Variants in COL5A3 observed in about 807,000 individuals in gnomAD.
COL5A3 encodes collagen alpha-3(V) chain.
In COL5A3, 172 loss-of-function variants were observed where a neutral mutation model predicts 250.0. The observed-to-expected ratio is 0.69, with a 90% CI of 0.61 to 0.78. The LOEUF is 0.78. Ranked by LOEUF, COL5A3 falls within the 30% of genes least tolerant of loss-of-function variation. The pLI is 0.00. For missense variants in COL5A3, 2,340 were observed against 2,334.4 expected, an observed-to-expected ratio of 1.00 and a Z score of -0.05; for synonymous variants, 937 against 900.4, an observed-to-expected ratio of 1.04 and a Z score of -0.73.
rs1599222581 is a variant in COL5A3 at position 9,996,632 on chromosome 19, T to C, written c.1321A>G (p.Thr441Ala). The change falls in exon 12 of 67, where the codon ACT (threonine) becomes GCT (alanine). Residue 441 changes from threonine to alanine, a missense_variant. Physicochemically the swap from Thr to Ala is moderately conservative, Grantham distance 58 (BLOSUM62 0). Coordinates refer to ENST00000264828, the MANE Select transcript of COL5A3 (RefSeq NM_015719.4). ...CTTCTTACCGGCATCATGATCACAG[T>C]GCCCGGTGGGCCTCGGATCCCATCA... ...GIDGIRGPPG[T>A]VIMMPFQFAG... The C allele has an allele frequency of 1.2e-6, 2 of 1,613,362 alleles. No homozygotes were observed. The highest frequency in any genetic ancestry group is 2.2e-5 in the East Asian group (1 of 44,870).
chr19:9,979,205 C>T lies in COL5A3; in HGVS notation c.2801G>A (p.Arg934Lys). The change falls in exon 39 of 67, where the codon AGG becomes AAG. Residue 934 changes from arginine (R) to lysine (K), a missense_variant. Physicochemically the swap from Arg to Lys is conservative, Grantham distance 26. Transcript: ENST00000264828. ...AGGTCCAGGGGGGCCTGGAGGCCCC[C>T]TTTCACCTAGAGGTCCCACTTCTCC... ...KTGEVGPLGE[R>K]GPPGPPGPPG... 6.2e-7 allele frequency: 1 copy of T among 1,604,412 alleles called. No homozygotes were observed. Among genetic ancestry groups the T allele is most frequent in the Non-Finnish European group, 8.5e-7 (1 of 1,177,334 alleles).
At chr19:9,977,921 A>T (rs550093578) in intron 41 of COL5A3, among the ~76,000 whole-genome samples, 2 of 147,234 alleles carry the variant, frequency 1.4e-5, no homozygotes, top group African/African-American at 5.0e-5. Flanking sequence ...TTAGAACAAA[A>T]GCCATAGTCC....
intron 45 of COL5A3, among the ~76,000 whole-genome samples, chr19:9,976,176 G>A (rs1206196057): frequency 6.6e-6 from 1 of 152,100 alleles, no homozygotes; most frequent in Non-Finnish European, 1.5e-5. Context: ...ACATAGTTGG[G>A]TTGAGATTGG....
intron 24 of COL5A3, among the ~76,000 whole-genome samples, chr19:9,990,116 G>A (rs375792368): frequency 6.6e-6 from 1 of 151,758 alleles, no homozygotes; most frequent in Non-Finnish European, 1.5e-5. Context: ...AAAAGAGGCC[G>A]GGCGTGGTGG....
At chr19:9,984,876 A>T (rs1599551320) in intron 31 of COL5A3, among the ~76,000 whole-genome samples, 1 of 151,328 alleles carries the variant, frequency 6.6e-6, no homozygotes, top group East Asian at 1.9e-4. Flanking sequence ...CTGCAGGCTC[A>T]ATCTCCTTGG....
At chr19:9,965,855 A>T (rs2086737520) in intron 64 of COL5A3, among the ~76,000 whole-genome samples, 1 of 150,082 alleles carries the variant, frequency 6.7e-6, no homozygotes, top group Non-Finnish European at 1.5e-5. Context: ...TTTTTCTGAG[A>T]AGGAGACTTG....
chr19:10,005,988 G>A lies in COL5A3; in HGVS notation c.248-3C>T, dbSNP rs2087437561. ...GAAGTTCTCAGGAAAGTGGCCTTCT[G>A]GGTGGGCAGAGGGAACAAGGCAGCT... On this transcript the variant is annotated splice_polypyrimidine_tract_variant and splice_region_variant and intron_variant, in intron 2 of 66. Transcript: ENST00000264828. The A allele has an allele frequency of 1.9e-6, 3 of 1,612,810 alleles. No homozygotes were observed. Among genetic ancestry groups the A allele is most frequent in the Non-Finnish European group, 2.5e-6 (3 of 1,179,070 alleles).
chr19:9,960,885 G>A lies in COL5A3; in HGVS notation c.4857C>T (p.Ser1619=). 3.1e-6 allele frequency: 5 copies of A among 1,604,350 alleles called. No homozygotes were observed. Among genetic ancestry groups the A allele is most frequent in the Non-Finnish European group, 4.2e-6 (5 of 1,179,968 alleles). The change falls in exon 66 of 67, where the codon TCC becomes TCT. Residue 1619 remains serine, a synonymous_variant. Transcript: ENST00000264828. The part of the protein sequence containing the change: ...YSTFRRGKKF[S]YVDADGSPVN... ...CTGGGGACCCGTCGGCGTCCACGTA[G>A]GAGAACTGGTGAGAGGAGGGCAAGG...
In COL5A3 at chr19:9,973,680, C is replaced by T. The variant is rs1318475252; in HGVS notation, c.3613-57G>A. The T allele has an allele frequency of 3.7e-6, 6 of 1,610,476 alleles. No homozygotes were observed. In the African/African-American group the frequency reaches 8.0e-5, roughly 22 times the overall value. On this transcript the variant is annotated intron_variant, in intron 49 of 66. Coordinates refer to ENST00000264828, the MANE Select transcript of COL5A3 (RefSeq NM_015719.4). Reference sequence around the variant, plus strand: ...TCCCATCCTAGCAGACAGGGAGGGGCTCCCCAGAATGTCCCTGCCCAATAG... The same window carrying T: ...TCCCATCCTAGCAGACAGGGAGGGGTTCCCCAGAATGTCCCTGCCCAATAG...
chr19:9,975,316 G>C (rs1352225634), intron 45 of COL5A3, among the ~76,000 whole-genome samples: 1 of 152,160 alleles, frequency 6.6e-6, no homozygotes, highest in East Asian at 1.9e-4. Flanking sequence ...CTGACCTCAG[G>C]TGATCCACCC....
chr19:10,006,270 G>A, intron 1 of COL5A3, 39 bp from the exon 2 acceptor site: 1 of 1,552,146 alleles, frequency 6.4e-7, no homozygotes, highest in Non-Finnish European at 8.7e-7. Flanking sequence ...GGCAGAGGTG[G>A]GGAACAGCTA....
intron 64 of COL5A3, 151 bp downstream of exon 64, chr19:9,966,163 T>G (rs1290622425): frequency 3.1e-6 from 2 of 645,720 alleles, no homozygotes; most frequent in African/African-American, 3.7e-5. Flanking sequence ...TCTGCTGTAG[T>G]CCCAGCTCTT....
intron 51 of COL5A3, among the ~76,000 whole-genome samples, chr19:9,972,000 C>A (rs2086854509): frequency 6.6e-6 from 1 of 152,216 alleles, no homozygotes; most frequent in Non-Finnish European, 1.5e-5. Context: ...ATCCATCCAT[C>A]CATTCGTTTA....
At chr19:10,006,323 AG>A in intron 1 of COL5A3, 92 bp from the exon 2 acceptor site, 2 of 1,260,576 alleles carry the variant, frequency 1.6e-6, no homozygotes, top group Non-Finnish European at 2.1e-6. Flanking sequence ...GGGTTTTTTT[AG>A]GGGGCTCAGC....
intron 32 of COL5A3, among the ~76,000 whole-genome samples, chr19:9,981,528 C>T (rs773478098): frequency 2.6e-5 from 4 of 152,168 alleles, no homozygotes; most frequent in Non-Finnish European, 4.4e-5. Context: ...CACATGAAGG[C>T]CTGGATTCAG....
At position 9,972,984 on chromosome 19, in the gene COL5A3, A is replaced by G; in HGVS notation, c.3709T>C (p.Ser1237Pro). 6.2e-7 allele frequency: 1 copy of G among 1,611,544 alleles called. No individual in the cohort carries two copies. The highest frequency in any genetic ancestry group is 8.5e-7 in the Non-Finnish European group (1 of 1,179,026). The change falls in exon 51 of 67, where the codon TCT becomes CCT. Residue 1237 changes from serine to proline, a missense_variant. Physicochemically the swap from Ser to Pro is moderately conservative, Grantham distance 74. Around this residue, in one of 3 missense-constraint regions of COL5A3, gnomAD observed 1,179 missense variants for 1,162.6 expected, o/e 1.01. Transcript: ENST00000264828. Reference sequence around the variant, plus strand: ...TTGCCTGGGGGTCCAGCAGCTCCAGATGGGCCTGAGTCCCCCTTTTCACCA... The same window carrying G: ...TTGCCTGGGGGTCCAGCAGCTCCAGGTGGGCCTGAGTCCCCCTTTTCACCA... ...DIGEKGDSGP[S>P]GAAGPPGKKG...
At chr19:9,973,492 G>A (rs1341119052) in intron 50 of COL5A3, 78 bp downstream of exon 50, 9 of 1,442,426 alleles carry the variant, frequency 6.2e-6, no homozygotes, top group South Asian at 2.5e-5. Flanking sequence ...ACTGTCCAGA[G>A]GTCAAAGTGG....
At position 9,992,419 on chromosome 19, in the gene COL5A3, A is replaced by AG. The variant is rs555979170; in HGVS notation, c.1849-372dup. On this transcript the variant is annotated intron_variant, in intron 21 of 66. Coordinates refer to ENST00000264828, the MANE Select transcript of COL5A3 (RefSeq NM_015719.4). ...AGCAAAACTCTGTCTAAAAAAAAAAAGAAAGAAAGAAATGTGAGCAGGCAG... is the reference window on the plus strand; with the variant it reads ...AGCAAAACTCTGTCTAAAAAAAAAAAGGAAAGAAAGAAATGTGAGCAGGCAG... Among the ~76,000 whole-genome samples the AG allele has an allele frequency of 1.9e-3, 290 of 151,712 alleles. 5 individuals are homozygous for AG. Among genetic ancestry groups the AG allele is most frequent in the African/African-American group, 6.8e-3 (282 of 41,356 alleles).
At chr19:9,994,697 A>G (rs1385538477) in intron 16 of COL5A3, among the ~76,000 whole-genome samples, 1 of 149,422 alleles carries the variant, frequency 6.7e-6, no homozygotes, top group Non-Finnish European at 1.5e-5. Context: ...GAATGCACTT[A>G]CACAACTCTG....
Sources: gnomAD v4.1 joint callset for allele counts (sites outside exome capture counted in the v4.1 genomes callset) on GRCh38, gnomAD v4.1.1 for gene constraint, gnomAD v4.1.1 regional missense constraint, MANE v1.5 for transcripts, NCBI Gene and HGNC (gene_info 2026-07-23, HGNC 2026-07-21) for gene names.